Variants in DOCK5 observed in about 807,000 individuals in gnomAD.
DOCK5 encodes the protein dedicator of cytokinesis 5.
In DOCK5, 142 loss-of-function variants were observed where a neutral mutation model predicts 251.8. The ratio of observed to expected loss-of-function variants is 0.56; its 90% CI spans 0.49 to 0.65. The LOEUF (loss-of-function observed/expected upper bound fraction) is 0.65. Ranked by LOEUF, DOCK5 falls within the 30% of genes least tolerant of loss-of-function variation. The pLI is 0.00. For synonymous variants in DOCK5, 842 were observed against 835.5 expected, an observed-to-expected ratio of 1.01 and a Z score of -0.13; for missense variants, 2,111 against 2,312.3, an observed-to-expected ratio of 0.91 and a Z score of 1.79.
intron 1 of DOCK5, among the ~76,000 whole-genome samples, chr8:25,189,618 C>T (rs909813354): frequency 6.6e-6 from 1 of 152,176 alleles, no homozygotes; most frequent in Non-Finnish European, 1.5e-5. Context: ...GCCTCAGCCT[C>T]CCAAAGTGCT....
intron 2 of DOCK5, among the ~76,000 whole-genome samples, chr8:25,251,078 T>C (rs1803256861): frequency 6.6e-6 from 1 of 152,192 alleles, no homozygotes; most frequent in African/African-American, 2.4e-5. Flanking sequence ...CAAGTGGTTT[T>C]AGGCCTGGAG....
intron 1 of DOCK5, among the ~76,000 whole-genome samples, chr8:25,221,706 C>T (rs888215471): frequency 2.6e-5 from 4 of 152,344 alleles, no homozygotes; most frequent in African/African-American, 7.2e-5. Context: ...TGAGTACTTA[C>T]AGGGACCATG....
At chr8:25,367,640 C>T (rs577374649) in intron 31 of DOCK5, among the ~76,000 whole-genome samples, 1 of 152,258 alleles carries the variant, frequency 6.6e-6, no homozygotes, top group East Asian at 1.9e-4. Flanking sequence ...TCAAAAACTG[C>T]CTACATATAC....
chr8:25,283,038 C>T (rs191139240), intron 5 of DOCK5, among the ~76,000 whole-genome samples: 20 of 152,040 alleles, frequency 1.3e-4, no homozygotes, highest in East Asian at 1.2e-3. Context: ...GCCATGTAGA[C>T]GCTGGTGATT....
intron 30 of DOCK5, among the ~76,000 whole-genome samples, chr8:25,365,119 G>C (rs1302374036): frequency 1.3e-5 from 2 of 152,194 alleles, no homozygotes; most frequent in Non-Finnish European, 2.9e-5. Context: ...ACAGTTTGTT[G>C]AAAGTCCAAA....
chr8:25,264,010 C>G (rs999348999), intron 2 of DOCK5, among the ~76,000 whole-genome samples: 3 of 151,786 alleles, frequency 2.0e-5, no homozygotes, highest in African/African-American at 7.3e-5. Context: ...GAGAATTTGC[C>G]TTTACTCCCC....
At chr8:25,241,705 A>G (rs558352757) in intron 1 of DOCK5, among the ~76,000 whole-genome samples, 3 of 152,330 alleles carry the variant, frequency 2.0e-5, no homozygotes, top group East Asian at 3.9e-4. Context: ...ATGCACATGT[A>G]TGTTTATTGT....
chr8:25,218,575 C>A (rs1802307945), intron 1 of DOCK5, among the ~76,000 whole-genome samples: 1 of 152,218 alleles, frequency 6.6e-6, no homozygotes, highest in Admixed American at 6.5e-5. Context: ...CTAGTAGGAT[C>A]TTTTAAGTCC....
At chr8:25,308,539 C>T (rs1654238589) in intron 11 of DOCK5, among the ~76,000 whole-genome samples, 1 of 152,152 alleles carries the variant, frequency 6.6e-6, no homozygotes, top group Admixed American at 6.5e-5. Flanking sequence ...AGTTGCTAAC[C>T]GTTGGTCACC....
intron 19 of DOCK5, 74 bp from the exon 20 acceptor site, chr8:25,332,529 G>T: frequency 1.5e-6 from 2 of 1,344,740 alleles, no homozygotes; most frequent in Non-Finnish European, 1.0e-6. Context: ...ATTTAAACTA[G>T]TTGTACCCAG....
chr8:25,322,933 C>T (rs997124952), intron 16 of DOCK5, among the ~76,000 whole-genome samples: 7 of 152,112 alleles, frequency 4.6e-5, no homozygotes, highest in Admixed American at 4.6e-4. Flanking sequence ...CCATAGTACT[C>T]CAACACTAGA....
intron 1 of DOCK5, among the ~76,000 whole-genome samples, chr8:25,242,077 A>G (rs1342571505): frequency 3.5e-4 from 53 of 152,272 alleles, no homozygotes; most frequent in Non-Finnish European, 2.9e-5. Flanking sequence ...GGGTTCAGCA[A>G]ACCACCATGG....
chr8:25,263,461 G>A (rs999675886), intron 2 of DOCK5, among the ~76,000 whole-genome samples: 1 of 151,882 alleles, frequency 6.6e-6, no homozygotes, highest in Non-Finnish European at 1.5e-5. Flanking sequence ...GGGTTCATTC[G>A]AGATTTTTCC....
At position 25,384,898 on chromosome 8, in the gene DOCK5, A is replaced by T. The variant is rs531773825; in HGVS notation, c.4131+2120A>T. 9.2e-5 allele frequency among the ~76,000 whole-genome samples: 14 copies of T among 152,226 alleles called. No individual in the cohort carries two copies. The East Asian group carries it at 2.7e-3, about 29-fold the overall frequency. ...CAATGAGCCGAGATGGTGCCACTGC[A>T]CTCCAGCCTGGGCGACAGAGCCAGA... On this transcript the variant is annotated intron_variant, in intron 40 of 51. Transcript: ENST00000276440.
chr8:25,373,307 A>G (rs560536465), intron 35 of DOCK5, among the ~76,000 whole-genome samples: 1 of 152,106 alleles, frequency 6.6e-6, no homozygotes, highest in Non-Finnish European at 1.5e-5. Flanking sequence ...TGGATAGGTT[A>G]TTTCTTTAGT....
intron 47 of DOCK5, among the ~76,000 whole-genome samples, chr8:25,403,118 G>A (rs145253438): frequency 6.6e-6 from 1 of 152,254 alleles, no homozygotes; most frequent in African/African-American, 2.4e-5. Context: ...CATTTCTAGA[G>A]AACATAGGAT....
chr8:25,304,200 A>C (rs1804840714), intron 10 of DOCK5, 55 bp from the exon 11 acceptor site: 1 of 1,438,368 alleles, frequency 7.0e-7, no homozygotes, highest in Non-Finnish European at 9.5e-7. Context: ...TTCCATAGTA[A>C]CTTACTGAGG....
At chr8:25,328,375 G>A (rs1805610469) in intron 18 of DOCK5, among the ~76,000 whole-genome samples, 1 of 152,168 alleles carries the variant, frequency 6.6e-6, no homozygotes, top group Admixed American at 6.5e-5. Flanking sequence ...AGGGAAAGAC[G>A]GAGACTTGGC....
intron 1 of DOCK5, among the ~76,000 whole-genome samples, chr8:25,201,486 G>A (rs981530578): frequency 6.6e-6 from 1 of 152,164 alleles, no homozygotes; most frequent in East Asian, 1.9e-4. Flanking sequence ...TACAGATGTT[G>A]ACTTGTTTAG....
Sources: allele counts gnomAD v4.1 joint callset (sites outside exome capture counted in the v4.1 genomes callset), GRCh38; gene constraint gnomAD v4.1.1; transcripts MANE v1.5; gene names NCBI Gene and HGNC (gene_info 2026-07-23, HGNC 2026-07-21).